The following UIMC1 variants were observed in gnomAD, a reference collection of about 807,000 sequenced individuals.
The protein encoded by UIMC1 is BRCA1-A complex subunit RAP80.
In UIMC1, 42 loss-of-function variants were observed where a neutral mutation model predicts 84.9. That is an observed-to-expected ratio of 0.49 (90% CI 0.39 to 0.64). The LOEUF is 0.64. Among genes scored for constraint, UIMC1 ranks in the 30% least tolerant of loss-of-function variants. The pLI, the probability that UIMC1 is intolerant of heterozygous loss-of-function variation, is 0.00. For missense variants in UIMC1, 825 were observed against 847.6 expected (o/e 0.97, Z 0.33); for synonymous variants, 281 against 293.0 (o/e 0.96, Z 0.42).
At chr5:176,978,546 G>C (rs1173613287) in intron 2 of UIMC1, among the ~76,000 whole-genome samples, 1 of 151,754 alleles carries the variant, frequency 6.6e-6, no homozygotes, top group African/African-American at 2.4e-5. Context: ...ACTAACATCT[G>C]ATGAAGGCCA....
intron 8 of UIMC1, among the ~76,000 whole-genome samples, chr5:176,953,156 A>G (rs1039048537): frequency 1.9e-4 from 29 of 152,152 alleles, no homozygotes; most frequent in African/African-American, 7.0e-4. Flanking sequence ...GAATCTGCCA[A>G]CTCCTTGATC....
intron 6 of UIMC1, among the ~76,000 whole-genome samples, chr5:176,961,977 T>C (rs1767534050): frequency 1.5e-5 from 1 of 64,544 alleles, no homozygotes; most frequent in Admixed American, 1.2e-4. Flanking sequence ...AGCCGCCCCG[T>C]CCGGGAGGGA....
intron 1 of UIMC1, among the ~76,000 whole-genome samples, chr5:177,000,517 T>TTTTTTTTTTTTTTTTTTTTTTTG (rs1774294769): frequency 6.7e-6 from 1 of 149,036 alleles, no homozygotes; most frequent in African/African-American, 2.5e-5. Context: ...TTTTTTTTTT[T>TTTTTTTTTTTTTTTTTTTTTTTG]GAGATGGAGT....
intron 10 of UIMC1, among the ~76,000 whole-genome samples, chr5:176,939,957 T>A (rs900978073): frequency 1.3e-5 from 2 of 152,190 alleles, no homozygotes; most frequent in Admixed American, 6.5e-5. Context: ...GTCTGCGATA[T>A]CCAGAGTGTA....
chr5:176,990,315 T>C (rs995771685), intron 1 of UIMC1, among the ~76,000 whole-genome samples: 1 of 152,086 alleles, frequency 6.6e-6, no homozygotes, highest in East Asian at 1.9e-4. Context: ...CCTTCTGCCA[T>C]GTGAAGACAC....
chr5:176,915,857 A>G (rs964277569), intron 10 of UIMC1, among the ~76,000 whole-genome samples: 1 of 152,058 alleles, frequency 6.6e-6, no homozygotes, highest in Non-Finnish European at 1.5e-5. Flanking sequence ...ACTTTACAGA[A>G]GCATATGTTC....
At chr5:176,967,365 T>C (rs1561842571) in intron 6 of UIMC1, among the ~76,000 whole-genome samples, 2 of 151,554 alleles carry the variant, frequency 1.3e-5, no homozygotes, top group African/African-American at 2.4e-5. Flanking sequence ...ATGAAAAAAG[T>C]AGAAAATAAT....
chr5:176,974,232 A>T (rs753786181), intron 3 of UIMC1, among the ~76,000 whole-genome samples: 43 of 152,216 alleles, frequency 2.8e-4, no homozygotes, highest in Non-Finnish European at 5.9e-4. Context: ...TGACAAACAT[A>T]AATAAATGGA....
chr5:176,922,009 T>C (rs1761770835), intron 10 of UIMC1, among the ~76,000 whole-genome samples: 1 of 152,174 alleles, frequency 6.6e-6, no homozygotes, highest in African/African-American at 2.4e-5. Context: ...AAACACACTC[T>C]TGCTTTAGGG....
intron 10 of UIMC1, among the ~76,000 whole-genome samples, chr5:176,920,571 C>T (rs1426594758): frequency 6.6e-6 from 1 of 151,802 alleles, no homozygotes; most frequent in Non-Finnish European, 1.5e-5. Context: ...TTCTTAAATC[C>T]ACTTTCAGAT....
At chr5:176,961,123 G>C (rs1767347490) in intron 6 of UIMC1, among the ~76,000 whole-genome samples, 1 of 81,816 alleles carries the variant, frequency 1.2e-5, no homozygotes, top group African/African-American at 8.8e-5. Context: ...CCCTCTGCTC[G>C]GCTGCCCAGT....
intron 1 of UIMC1, among the ~76,000 whole-genome samples, chr5:177,021,298 A>G (rs924600480): frequency 1.3e-5 from 2 of 152,220 alleles, no homozygotes; most frequent in Non-Finnish European, 2.9e-5. Context: ...AAAAAAAGAA[A>G]GAAAAGAAAA....
chr5:176,996,777 G>A (rs1371171944), intron 1 of UIMC1, among the ~76,000 whole-genome samples: 1 of 152,142 alleles, frequency 6.6e-6, no homozygotes, highest in East Asian at 1.9e-4. Flanking sequence ...GGGAACAGAT[G>A]AGATGTGGAG....
intron 10 of UIMC1, among the ~76,000 whole-genome samples, chr5:176,935,389 A>AGTAT (rs1763605338): frequency 6.6e-6 from 1 of 152,118 alleles, no homozygotes; most frequent in African/African-American, 2.4e-5. Flanking sequence ...TTTTATTTGT[A>AGTAT]TGTCCCTTAG....
intron 1 of UIMC1, among the ~76,000 whole-genome samples, chr5:177,020,870 A>C (rs1775781697): frequency 6.6e-6 from 1 of 152,210 alleles, no homozygotes; most frequent in Admixed American, 6.5e-5. Context: ...TATTTGAAAA[A>C]ATGAGGTTGA....
chr5:176,954,655 G>C (rs970635942), intron 8 of UIMC1, among the ~76,000 whole-genome samples: 2 of 151,502 alleles, frequency 1.3e-5, no homozygotes, highest in Non-Finnish European at 2.9e-5. Flanking sequence ...GGGAGGCTGA[G>C]GAGTGAGGAT....
Position 176,955,824 on chromosome 5 carries a change from T to C in UIMC1, c.1339+135A>G, listed in dbSNP as rs144558822. On this transcript the variant is annotated intron_variant, in intron 8 of 14. Transcript: ENST00000511320. Reference sequence around the variant, plus strand: ...CTATATGTGTATACGCATACGAGTGTTGAGACATGTACATACACGTATCAA... The same window carrying C: ...CTATATGTGTATACGCATACGAGTGCTGAGACATGTACATACACGTATCAA... 6.1e-4 allele frequency: 439 copies of C among 716,832 alleles called. 3 individuals are homozygous for C. In the African/African-American group the frequency reaches 6.9e-3, roughly 11 times the overall value. 44.4% of individuals were successfully genotyped at this position (716,832 alleles called of 1,614,324 possible).
At chr5:176,905,692 G>C (rs1032369769) in intron 14 of UIMC1, 200 bp from the exon 15 acceptor site, 20 of 657,430 alleles carry the variant, frequency 3.0e-5, no homozygotes, top group African/African-American at 2.9e-4. Flanking sequence ...GCTGGCCATT[G>C]AGAGAATGAG....
intron 1 of UIMC1, among the ~76,000 whole-genome samples, chr5:176,984,388 G>T (rs1771622317): frequency 7.0e-6 from 1 of 143,568 alleles, no homozygotes; most frequent in African/African-American, 2.6e-5. Context: ...TCTGGGAAGT[G>T]AGGAGTGCCT....
Sources: allele counts gnomAD v4.1 joint callset (sites outside exome capture counted in the v4.1 genomes callset), GRCh38; gene constraint gnomAD v4.1.1; transcripts MANE v1.5; gene names NCBI Gene and HGNC (gene_info 2026-07-23, HGNC 2026-07-21).